Variants in LRRC69 observed in about 807,000 individuals in gnomAD.
The protein encoded by LRRC69 is leucine rich repeat containing 69.
A neutral mutation model predicts 37.8 loss-of-function variants in LRRC69; 42 were observed. The ratio of observed to expected loss-of-function variants is 1.11; its 90% CI spans 0.87 to 1.44. LRRC69 has a LOEUF of 1.44. Among genes scored for constraint, LRRC69 ranks in the 40% most tolerant of loss-of-function variants. LRRC69 has a pLI of 0.00. For synonymous variants in LRRC69, 141 were observed against 143.1 expected (o/e 0.99, Z 0.11); for missense variants, 357 against 401.9 (o/e 0.89, Z 0.96).
chr8:91,118,979 C>T lies in LRRC69; in HGVS notation c.184-5514C>T, dbSNP rs527361898. ...TCTAGTCCTGAGTTACTTTCCATTG[C>T]ATTATCTTGTTGTCTTTTTTTCATA... On this transcript the variant is annotated intron_variant, in intron 1 of 7. Transcript: ENST00000448384. Among the ~76,000 whole-genome samples the T allele has an allele frequency of 6.6e-5, 10 of 152,132 alleles. No individual in the cohort carries two copies. The East Asian group carries it at 1.9e-3, about 29-fold the overall frequency.
intron 6 of LRRC69, among the ~76,000 whole-genome samples, chr8:91,195,072 T>A (rs1350030868): frequency 6.6e-6 from 1 of 152,222 alleles, no homozygotes; most frequent in African/African-American, 2.4e-5. Context: ...TCAAAGAACA[T>A]CTTTATTTCT....
At chr8:91,155,075 CA>C (rs1808809094) in intron 5 of LRRC69, among the ~76,000 whole-genome samples, 1 of 151,188 alleles carries the variant, frequency 6.6e-6, no homozygotes, top group South Asian at 2.1e-4. Context: ...TCCTATACAC[CA>C]ACAGGAGACA....
At chr8:91,141,574 G>A (rs1808534036) in intron 5 of LRRC69, among the ~76,000 whole-genome samples, 1 of 152,030 alleles carries the variant, frequency 6.6e-6, no homozygotes, top group South Asian at 2.1e-4. Context: ...TACCTTCTCT[G>A]TTGCCAAGCT....
At chr8:91,176,134 A>ATATTTTTT in intron 5 of LRRC69, among the ~76,000 whole-genome samples, 1,057 of 75,668 alleles carry the variant, frequency 0.014, 13 homozygotes, top group Middle Eastern at 0.032. Flanking sequence ...ATATATATAT[A>ATATTTTTT]TTTTTTTTTT....
intron 5 of LRRC69, chr8:91,157,458 A>AT: frequency 6.2e-7 from 1 of 1,604,780 alleles, no homozygotes; most frequent in Non-Finnish European, 8.5e-7. Flanking sequence ...CAATGAAAAT[A>AT]TGCAAGAAAG....
chr8:91,176,237 C>T (rs1204506759), intron 5 of LRRC69, among the ~76,000 whole-genome samples: 16 of 151,010 alleles, frequency 1.1e-4, no homozygotes, highest in Admixed American at 1.1e-3. Context: ...TGGGTTCAAG[C>T]GATTCCCCTG....
At chr8:91,181,904 T>C (rs1036755374) in intron 5 of LRRC69, among the ~76,000 whole-genome samples, 2 of 152,032 alleles carry the variant, frequency 1.3e-5, no homozygotes, top group African/African-American at 4.8e-5. Flanking sequence ...AGGCCCAAAA[T>C]GGGGATTTTT....
chr8:91,121,083 T>TA (rs1309573524), intron 1 of LRRC69, among the ~76,000 whole-genome samples: 1 of 151,964 alleles, frequency 6.6e-6, no homozygotes. Context: ...CTATTTATCT[T>TA]ACATCATACA....
chr8:91,157,180 G>T lies in LRRC69; in HGVS notation c.651+21441G>T, dbSNP rs914176874. 11 of 806,902 alleles carry T rather than the reference G, an allele frequency of 1.4e-5. No individual in the cohort carries two copies. In the African/African-American group the frequency reaches 1.4e-4, roughly 10 times the overall value. The allele number at this position is 806,902 out of a possible 1,614,324, so 50.0% of individuals were successfully genotyped here. ...TGTCATTGGTATTTTGATAGGGATT[G>T]CTTCGAATCTGTAGATTGCTTTGTG... On this transcript the variant is annotated intron_variant, in intron 5 of 7. Transcript: ENST00000448384.
intron 5 of LRRC69, among the ~76,000 whole-genome samples, chr8:91,161,176 A>T (rs1331358888): frequency 6.6e-6 from 1 of 151,336 alleles, no homozygotes; most frequent in Non-Finnish European, 1.5e-5. Flanking sequence ...TCATTTTGAT[A>T]TACTGTTGGA....
At position 91,189,502 on chromosome 8, in the gene LRRC69, T is replaced by C; in HGVS notation, c.652-20T>C. The C allele has an allele frequency of 6.7e-7, 1 of 1,487,924 alleles. No homozygotes were observed. Among genetic ancestry groups the C allele is most frequent in the Non-Finnish European group, 9.2e-7 (1 of 1,091,754 alleles). 92.2% of individuals were successfully genotyped at this position (1,487,924 alleles called of 1,614,324 possible). On this transcript the variant is annotated intron_variant, in intron 5 of 7. Coordinates refer to ENST00000448384, the Ensembl canonical transcript of LRRC69. ...TTCATTATTTTGTTGTGCAATAAGG[T>C]TTTTATTTTGTTTGAAAAGTTTCAG...
chr8:91,176,134 A>T (rs13249734), intron 5 of LRRC69, among the ~76,000 whole-genome samples: 28,079 of 76,018 alleles, frequency 0.37, 4,625 homozygotes, highest in Admixed American at 0.57. Flanking sequence ...ATATATATAT[A>T]TTTTTTTTTT....
chr8:91,128,619 G>T (rs1041505477), intron 3 of LRRC69, among the ~76,000 whole-genome samples: 5 of 152,008 alleles, frequency 3.3e-5, no homozygotes, highest in African/African-American at 9.7e-5. Flanking sequence ...AGTATTTTCA[G>T]AAAATAAATC....
intron 1 of LRRC69, 40 bp from the exon 2 acceptor site, chr8:91,124,453 G>T (rs1256932953): frequency 9.9e-6 from 14 of 1,419,892 alleles, no homozygotes; most frequent in Non-Finnish European, 1.2e-5. Context: ...ATTTGAAGTT[G>T]GATGATATAT....
At chr8:91,202,545 A>G (rs937678522) in intron 7 of LRRC69, among the ~76,000 whole-genome samples, 3 of 152,212 alleles carry the variant, frequency 2.0e-5, no homozygotes, top group Admixed American at 6.5e-5. Context: ...AAAGAAGGTC[A>G]GGTAGAATTG....
chr8:91,167,213 G>C (rs763785873), intron 5 of LRRC69, among the ~76,000 whole-genome samples: 2 of 151,802 alleles, frequency 1.3e-5, no homozygotes, highest in Non-Finnish European at 1.5e-5. Flanking sequence ...AAGGAAAGAA[G>C]TTTAATTGCT....
intron 6 of LRRC69, among the ~76,000 whole-genome samples, chr8:91,194,228 G>A (rs1462243763): frequency 4.8e-5 from 7 of 145,660 alleles, no homozygotes; most frequent in East Asian, 4.0e-4. Context: ...GCTTTTTGAT[G>A]TGCTGCTGGA....
intron 7 of LRRC69, among the ~76,000 whole-genome samples, chr8:91,212,868 AAAAATAACAAAAC>A (rs1404292141): frequency 8.0e-4 from 122 of 152,298 alleles, no homozygotes; most frequent in Non-Finnish European, 1.4e-3. Context: ...GTTTTATTCC[AAAAATAACAAAAC>A]AATTAGAGTA....
At chr8:91,199,095 T>C (rs550794877) in intron 6 of LRRC69, among the ~76,000 whole-genome samples, 1 of 152,332 alleles carries the variant, frequency 6.6e-6, no homozygotes, top group South Asian at 2.1e-4. Context: ...TGTCATCTGC[T>C]ATTTTGGGTA....
Sources: gnomAD v4.1 joint callset for allele counts (sites outside exome capture counted in the v4.1 genomes callset) on GRCh38, gnomAD v4.1.1 for gene constraint, MANE v1.5 for transcripts, NCBI Gene and HGNC (gene_info 2026-07-23, HGNC 2026-07-21) for gene names.